Variants in RBFOX1 observed in about 807,000 individuals in gnomAD.
The protein encoded by RBFOX1 is RNA binding protein fox-1 homolog 1.
In RBFOX1, 8 loss-of-function variants were observed where a neutral mutation model predicts 57.7. The observed-to-expected ratio is 0.14, with a 90% CI of 0.08 to 0.25. The LOEUF (loss-of-function observed/expected upper bound fraction) is 0.25, where lower values mean the gene tolerates loss of function less well. Ranked by LOEUF, RBFOX1 falls within the 10% of genes least tolerant of loss-of-function variation. The pLI is 1.00. For missense variants in RBFOX1, 611 were observed against 548.5 expected, an observed-to-expected ratio of 1.11 and a Z score of -1.14; for synonymous variants, 326 against 222.4, an observed-to-expected ratio of 1.47 and a Z score of -4.15.
At chr16:6,408,100 A>C (rs2093347372) in intron 2 of RBFOX1, among the ~76,000 whole-genome samples, 1 of 152,156 alleles carries the variant, frequency 6.6e-6, no homozygotes, top group Non-Finnish European at 1.5e-5. Context: ...CCTTCACTGG[A>C]CGTCAAATCT....
chr16:6,907,277 A>C (rs2070263637), intron 3 of RBFOX1, among the ~76,000 whole-genome samples: 1 of 152,116 alleles, frequency 6.6e-6, no homozygotes, highest in South Asian at 2.1e-4. Context: ...GCTGACAGTG[A>C]GAGTCATCTT....
At chr16:7,536,927 C>G (rs1401538713) in intron 5 of RBFOX1, among the ~76,000 whole-genome samples, 1 of 152,182 alleles carries the variant, frequency 6.6e-6, no homozygotes, top group African/African-American at 2.4e-5. Context: ...ATTCCTGTGA[C>G]AGGATGAATA....
intron 4 of RBFOX1, among the ~76,000 whole-genome samples, chr16:7,238,531 G>C (rs992295390): frequency 1.3e-5 from 1 of 79,184 alleles, no homozygotes; most frequent in Non-Finnish European, 2.3e-5. Flanking sequence ...CCAACCTTGG[G>C]CTACACACGC....
chr16:7,183,371 C>T (rs575996531), intron 4 of RBFOX1, among the ~76,000 whole-genome samples: 1 of 152,152 alleles, frequency 6.6e-6, no homozygotes, highest in Non-Finnish European at 1.5e-5. Context: ...TAATTTTTTT[C>T]TACCTGAAAA....
chr16:6,124,492 T>A (rs868247425), intron 1 of RBFOX1, among the ~76,000 whole-genome samples: 1 of 152,092 alleles, frequency 6.6e-6, no homozygotes, highest in African/African-American at 2.4e-5. Flanking sequence ...GGAAAGCCCA[T>A]TGTTGCCTAA....
intron 4 of RBFOX1, among the ~76,000 whole-genome samples, chr16:7,469,842 G>C (rs7198603): frequency 0.96 from 145,502 of 152,288 alleles, 69,532 homozygotes; most frequent in East Asian, 1. Flanking sequence ...AATTTCATCC[G>C]TCCTGCTCGC....
chr16:5,753,854 A>C (rs1348043135), intron 3 of RBFOX1, among the ~76,000 whole-genome samples: 1 of 151,172 alleles, frequency 6.6e-6, no homozygotes, highest in African/African-American at 2.4e-5. Context: ...TAGAGTTTTC[A>C]TTGAAAAAAA....
chr16:7,465,997 C>G (rs544380781), intron 4 of RBFOX1, among the ~76,000 whole-genome samples: 34 of 152,136 alleles, frequency 2.2e-4, no homozygotes, highest in Non-Finnish European at 4.7e-4. Flanking sequence ...TCTCATCGTT[C>G]CAGTTTTAAG....
chr16:5,626,645 A>G (rs575384911), intron 3 of RBFOX1, among the ~76,000 whole-genome samples: 2 of 152,226 alleles, frequency 1.3e-5, no homozygotes, highest in South Asian at 4.1e-4. Context: ...TAAGGTGTCA[A>G]ATGTTGACAC....
chr16:7,649,968 G>A (rs1017131468), intron 11 of RBFOX1, among the ~76,000 whole-genome samples: 2 of 151,622 alleles, frequency 1.3e-5, no homozygotes, highest in Non-Finnish European at 2.9e-5. Context: ...AGGAAGAAGA[G>A]GGAGAGGAAG....
intron 3 of RBFOX1, among the ~76,000 whole-genome samples, chr16:6,994,203 G>A (rs546962572): frequency 1.3e-5 from 2 of 152,230 alleles, no homozygotes; most frequent in South Asian, 2.1e-4. Flanking sequence ...AAAATTAGAA[G>A]GAGGAAAACA....
At chr16:7,687,297 G>A (rs1246190484) in intron 14 of RBFOX1, among the ~76,000 whole-genome samples, 1 of 151,956 alleles carries the variant, frequency 6.6e-6, no homozygotes, top group African/African-American at 2.4e-5. Context: ...GTGGAAAGGA[G>A]GTAAAATACT....
chr16:7,066,077 A>C (rs1008200787), intron 4 of RBFOX1, among the ~76,000 whole-genome samples: 1 of 152,242 alleles, frequency 6.6e-6, no homozygotes, highest in East Asian at 1.9e-4. Context: ...AAGTCACTTC[A>C]GAGTGTTTTG....
At chr16:7,577,211 G>A (rs1380655243) in intron 5 of RBFOX1, among the ~76,000 whole-genome samples, 1 of 152,146 alleles carries the variant, frequency 6.6e-6, no homozygotes, top group Non-Finnish European at 1.5e-5. Flanking sequence ...GTTACAAGCT[G>A]GTCATACCAC....
intron 1 of RBFOX1, among the ~76,000 whole-genome samples, chr16:6,095,406 C>A (rs956455567): frequency 2.6e-5 from 4 of 152,194 alleles, no homozygotes; most frequent in African/African-American, 9.7e-5. Context: ...TGTGTCTGTG[C>A]ACTTTCTGTG....
At chr16:5,756,914 A>C (rs924681751) in intron 3 of RBFOX1, among the ~76,000 whole-genome samples, 57 of 152,236 alleles carry the variant, frequency 3.7e-4, no homozygotes, top group African/African-American at 1.3e-3. Flanking sequence ...GGGTTCTACA[A>C]GATGATGTAA....
chr16:6,420,811 A>C (rs2093750916), intron 2 of RBFOX1, among the ~76,000 whole-genome samples: 2 of 152,218 alleles, frequency 1.3e-5, no homozygotes, highest in Non-Finnish European at 2.9e-5. Flanking sequence ...GGGGAAATGA[A>C]GAAGACTTAT....
chr16:6,449,531 C>G (rs989666516), intron 2 of RBFOX1, among the ~76,000 whole-genome samples: 52 of 152,260 alleles, frequency 3.4e-4, no homozygotes, highest in African/African-American at 1.2e-3. Flanking sequence ...ACAGCTGCTT[C>G]CTTTCAGTTG....
intron 1 of RBFOX1, among the ~76,000 whole-genome samples, chr16:5,283,881 A>G (rs1218026058): frequency 6.6e-6 from 1 of 151,964 alleles, no homozygotes; most frequent in African/African-American, 2.4e-5. Context: ...TTGGGAAGGC[A>G]TGATTGGTTT....
Sources: allele counts gnomAD v4.1 joint callset (sites outside exome capture counted in the v4.1 genomes callset), GRCh38; gene constraint gnomAD v4.1.1; transcripts MANE v1.5; gene names NCBI Gene and HGNC (gene_info 2026-07-23, HGNC 2026-07-21).